PDZD2: variants seen among roughly 807,000 people sequenced by gnomAD.
PDZD2 encodes the protein PDZ domain containing 2.
A neutral mutation model predicts 220.7 loss-of-function variants in PDZD2; 90 were observed. The ratio of observed to expected loss-of-function variants is 0.41; its 90% CI spans 0.34 to 0.49. PDZD2 has a LOEUF of 0.49. PDZD2 is among the 20% of genes least tolerant of loss of function. The pLI, the probability that PDZD2 is intolerant of heterozygous loss-of-function variation, is 0.28. For synonymous variants in PDZD2, 1,375 were observed against 1,450.5 expected, an observed-to-expected ratio of 0.95 and a Z score of 1.18; for missense variants, 3,174 against 3,608.5, an observed-to-expected ratio of 0.88 and a Z score of 3.08.
chr5:31,895,195 C>G (rs933718350), intron 2 of PDZD2, among the ~76,000 whole-genome samples: 6 of 152,156 alleles, frequency 3.9e-5, no homozygotes, highest in African/African-American at 1.4e-4. Context: ...GCCGCCCTTT[C>G]TTTCTTTTGC....
At chr5:32,029,467 CCA>C (rs1040617867) in intron 6 of PDZD2, among the ~76,000 whole-genome samples, 10 of 151,556 alleles carry the variant, frequency 6.6e-5, no homozygotes, top group Non-Finnish European at 1.5e-5. Flanking sequence ...TTCCCTAATC[CCA>C]GTTTTTAGGA....
chr5:32,044,717 G>A (rs1218917147), intron 7 of PDZD2, among the ~76,000 whole-genome samples: 1 of 152,160 alleles, frequency 6.6e-6, no homozygotes, highest in Non-Finnish European at 1.5e-5. Context: ...TTTTTGGGTG[G>A]GAGATGATGG....
chr5:32,052,844 T>A (rs1738704164), intron 9 of PDZD2, 114 bp downstream of exon 9: 3 of 1,131,430 alleles, frequency 2.7e-6, no homozygotes, highest in Non-Finnish European at 2.6e-6. Flanking sequence ...AGGTTCTTGC[T>A]CTGTTGCCCA....
chr5:31,770,844 G>A (rs1196380420), intron 1 of PDZD2, among the ~76,000 whole-genome samples: 1 of 151,680 alleles, frequency 6.6e-6, no homozygotes, highest in Non-Finnish European at 1.5e-5. Flanking sequence ...AAGATGCCAT[G>A]AATGGCCTCA....
intron 2 of PDZD2, among the ~76,000 whole-genome samples, chr5:31,817,728 A>G (rs1038950578): frequency 1.3e-5 from 2 of 151,920 alleles, no homozygotes; most frequent in Non-Finnish European, 2.9e-5. Context: ...CAGTGGTGCA[A>G]TCTCGGCTCA....
At chr5:32,051,844 T>G (rs1738584861) in intron 8 of PDZD2, among the ~76,000 whole-genome samples, 1 of 152,106 alleles carries the variant, frequency 6.6e-6, no homozygotes, top group African/African-American at 2.4e-5. Flanking sequence ...GTGGTTTGGG[T>G]TTTATAAGAA....
chr5:32,097,608 A>G (rs1204207184), intron 22 of PDZD2, among the ~76,000 whole-genome samples: 2 of 152,252 alleles, frequency 1.3e-5, no homozygotes, highest in Admixed American at 1.3e-4. Context: ...CAATCCCTAT[A>G]AACACAATTC....
rs752243151 is a variant in PDZD2 at position 32,098,679 on chromosome 5, G to A, written c.8218+45G>A. 2.6e-6 allele frequency: 4 copies of A among 1,546,990 alleles called. No individual in the cohort carries two copies. ...AACCAGCAGGCTGTGAGCTACTGCA[G>A]AAAGAGGAGATTCTGGTTGAACATG... On this transcript the variant is annotated intron_variant, in intron 23 of 24. Coordinates refer to ENST00000438447, the MANE Select transcript of PDZD2 (RefSeq NM_178140.4). This position sits in a 1 kb window ranked among gnomAD's most constrained non-coding sequence, Gnocchi z 4.1.
intron 6 of PDZD2, among the ~76,000 whole-genome samples, chr5:32,016,657 C>A (rs1753811130): frequency 6.6e-6 from 1 of 152,150 alleles, no homozygotes; most frequent in Non-Finnish European, 1.5e-5. Context: ...CTCTCTGAGC[C>A]CAGGGCAATC....
At chr5:31,845,271 T>A (rs2150289154) in intron 2 of PDZD2, among the ~76,000 whole-genome samples, 1 of 152,334 alleles carries the variant, frequency 6.6e-6, no homozygotes, top group Admixed American at 6.5e-5. Context: ...GGTAGACGGT[T>A]TAAATATAAG....
At chr5:31,806,747 C>T (rs1470962562) in intron 2 of PDZD2, among the ~76,000 whole-genome samples, 1 of 152,120 alleles carries the variant, frequency 6.6e-6, no homozygotes, top group African/African-American at 2.4e-5. Flanking sequence ...CCAGTCACTT[C>T]CTAGCTTTCT....
At chr5:32,105,000 CG>C (rs2111732877) in intron 24 of PDZD2, among the ~76,000 whole-genome samples, 1 of 151,350 alleles carries the variant, frequency 6.6e-6, no homozygotes, top group Admixed American at 6.6e-5. Context: ...TCGGGTGTGG[CG>C]GCACGCACCT....
chr5:32,070,492 G>A (rs2112384028), intron 15 of PDZD2, among the ~76,000 whole-genome samples: 1 of 152,278 alleles, frequency 6.6e-6, no homozygotes, highest in African/African-American at 2.4e-5. Flanking sequence ...AGTTTATTAA[G>A]CTGTAATCCT....
chr5:32,000,180 A>G lies in PDZD2; in HGVS notation c.1163A>G (p.Asn388Ser), dbSNP rs1348341408. ...TTAGGAGATGAGCTGCTGGTAATCA[A>G]TGGTCATTTACTGGTCGGGCTCTCC... ...LSLGDELLVI[N>S]GHLLVGLSHE... Residue 388 changes from asparagine (N) to serine (S), a missense_variant, in exon 5 of 25, where the codon AAT becomes AGT. By Grantham distance (46) the Asn-to-Ser change is conservative (BLOSUM62 1). This residue lies in a region of PDZD2 where 632 missense variants were observed against 708.1 expected (regional missense o/e 0.89). Coordinates refer to ENST00000438447, the MANE Select transcript of PDZD2 (RefSeq NM_178140.4). This position sits in a 1 kb window ranked among gnomAD's most constrained non-coding sequence, Gnocchi z 4.5. 1.2e-6 allele frequency: 2 copies of G among 1,613,786 alleles called. No individual in the cohort carries two copies. Among genetic ancestry groups the G allele is most frequent in the Non-Finnish European group, 1.7e-6 (2 of 1,179,832 alleles).
chr5:32,004,612 C>G (rs1231372454), intron 5 of PDZD2, among the ~76,000 whole-genome samples: 1 of 152,098 alleles, frequency 6.6e-6, no homozygotes, highest in Non-Finnish European at 1.5e-5. Context: ...ACAAACAAAT[C>G]CCAGTGGTTA....
At chr5:31,643,650 G>A (rs1745029934) in intron 1 of PDZD2, among the ~76,000 whole-genome samples, 1 of 152,088 alleles carries the variant, frequency 6.6e-6, no homozygotes, top group Admixed American at 6.6e-5. Context: ...AGGTGGCTGA[G>A]GAAGAATTAA....
intron 2 of PDZD2, among the ~76,000 whole-genome samples, chr5:31,818,860 C>T (rs1755637866): frequency 1.3e-5 from 2 of 152,202 alleles, no homozygotes; most frequent in African/African-American, 4.8e-5. Flanking sequence ...CATGTGCCTA[C>T]AGCTCTATCA....
chr5:32,080,284 C>T (rs1408173397), intron 19 of PDZD2, among the ~76,000 whole-genome samples: 3 of 140,028 alleles, frequency 2.1e-5, no homozygotes, highest in Non-Finnish European at 3.0e-5. Flanking sequence ...GGAGGTGGAG[C>T]TTGCAGCGAG....
At chr5:31,983,721 GC>G in intron 3 of PDZD2, 65 bp downstream of exon 3, 1 of 1,483,618 alleles carries the variant, frequency 6.7e-7, no homozygotes, top group Non-Finnish European at 9.2e-7. Flanking sequence ...TGTTTTTGCA[GC>G]CCAGCCCATG....
Sources: gnomAD v4.1 joint callset for allele counts (sites outside exome capture counted in the v4.1 genomes callset) on GRCh38, gnomAD v4.1.1 for gene constraint, gnomAD v4.1.1 regional missense constraint, Gnocchi (gnomAD v3.1) non-coding constraint, MANE v1.5 for transcripts, NCBI Gene and HGNC (gene_info 2026-07-23, HGNC 2026-07-21) for gene names.